The following LRP1B variants were observed in gnomAD, a reference collection of about 807,000 sequenced individuals.
LRP1B encodes LDL receptor related protein 1B.
Under a neutral mutation model 556.6 loss-of-function variants are expected in LRP1B, and 217 were observed. The ratio of observed to expected loss-of-function variants is 0.39; its 90% CI spans 0.35 to 0.44. The LOEUF (loss-of-function observed/expected upper bound fraction) is 0.44, where lower values mean the gene tolerates loss of function less well. Among genes scored for constraint, LRP1B ranks in the 20% least tolerant of loss-of-function variants. The pLI, the probability that LRP1B is intolerant of heterozygous loss-of-function variation, is 1.00. For synonymous variants in LRP1B, 2,047 were observed against 1,865.8 expected (o/e 1.10, Z -2.50); for missense variants, 5,053 against 5,620.8 (o/e 0.90, Z 3.23).
intron 41 of LRP1B, among the ~76,000 whole-genome samples, chr2:140,623,567 C>T (rs1048591641): frequency 2.6e-5 from 4 of 151,868 alleles, no homozygotes; most frequent in African/African-American, 9.7e-5. Context: ...AAAATTTACA[C>T]AAAATTTTAA....
At chr2:141,217,161 C>T (rs778283870) in intron 6 of LRP1B, among the ~76,000 whole-genome samples, 3 of 151,962 alleles carry the variant, frequency 2.0e-5, no homozygotes, top group Admixed American at 6.6e-5. Context: ...TAGTGGGAGG[C>T]GTTTGGGTCA....
chr2:140,760,386 A>G (rs1158581365), intron 35 of LRP1B, among the ~76,000 whole-genome samples: 1 of 152,090 alleles, frequency 6.6e-6, no homozygotes, highest in African/African-American at 2.4e-5. Flanking sequence ...GACAACTAAC[A>G]ATGTTTCCAG....
At chr2:142,082,862 A>G (rs566325587) in intron 1 of LRP1B, among the ~76,000 whole-genome samples, 4 of 152,310 alleles carry the variant, frequency 2.6e-5, no homozygotes, top group African/African-American at 9.6e-5. Flanking sequence ...ACACTATTCC[A>G]TCTTTTAAAA....
intron 2 of LRP1B, among the ~76,000 whole-genome samples, chr2:141,545,623 T>A (rs905968372): frequency 3.9e-5 from 6 of 152,082 alleles, no homozygotes; most frequent in African/African-American, 1.4e-4. Context: ...AGTGGGAGAA[T>A]TGCTTGAGCC....
Position 141,015,731 on chromosome 2 carries a change from T to C in LRP1B, c.2155A>G (p.Ile719Val), listed in dbSNP as rs1558801667. The part of the protein sequence containing the change: ...LYWCDAYYDH[I>V]EKVFLNGTHR... ...GTCCCATTCAAAAATACTTTTTCAA[T>C]ATGATCGTAATAGGCATCACACCAG... Residue 719 changes from isoleucine (I) to valine (V), a missense_variant, in exon 13 of 91, where the codon ATT becomes GTT. Coordinates refer to ENST00000389484, the MANE Select transcript of LRP1B (RefSeq NM_018557.3). 6.2e-7 allele frequency: 1 copy of C among 1,613,200 alleles called. No homozygotes were observed. Among genetic ancestry groups the C allele is most frequent in the Middle Eastern group, 1.7e-4 (1 of 6,056 alleles).
At chr2:141,793,439 A>G (rs72987314) in intron 2 of LRP1B, among the ~76,000 whole-genome samples, 3,595 of 152,040 alleles carry the variant, frequency 0.024, 148 homozygotes, top group African/African-American at 0.083. Flanking sequence ...GAGAGTTTCT[A>G]TAACAGATTT....
chr2:141,300,890 C>T (rs184319016), intron 3 of LRP1B, among the ~76,000 whole-genome samples: 1 of 152,008 alleles, frequency 6.6e-6, no homozygotes, highest in African/African-American at 2.4e-5. Context: ...ATAGAGTCCT[C>T]AGGTGTTGAG....
intron 35 of LRP1B, among the ~76,000 whole-genome samples, chr2:140,735,615 T>A (rs1314412938): frequency 6.6e-6 from 1 of 152,146 alleles, no homozygotes. Context: ...GTTTGGCTCC[T>A]GAAATACCCC....
chr2:140,885,457 TCTC>T (rs1335255136), intron 24 of LRP1B, among the ~76,000 whole-genome samples: 1 of 151,694 alleles, frequency 6.6e-6, no homozygotes, highest in African/African-American at 2.4e-5. Context: ...TTCACGCAAT[TCTC>T]CTACCTCAGC....
At chr2:142,049,511 A>G (rs1466260769) in intron 1 of LRP1B, among the ~76,000 whole-genome samples, 1 of 152,112 alleles carries the variant, frequency 6.6e-6, no homozygotes, top group African/African-American at 2.4e-5. Context: ...GATTACATTA[A>G]CATGAAAGTA....
At chr2:140,640,338 T>C (rs1235330070) in intron 41 of LRP1B, among the ~76,000 whole-genome samples, 8 of 149,442 alleles carry the variant, frequency 5.4e-5, no homozygotes, top group Non-Finnish European at 1.2e-4. Flanking sequence ...CCCTACTTGA[T>C]AGCATCATTT....
chr2:141,489,486 T>C (rs1475238233), intron 2 of LRP1B, among the ~76,000 whole-genome samples: 1 of 151,958 alleles, frequency 6.6e-6, no homozygotes, highest in Non-Finnish European at 1.5e-5. Flanking sequence ...CTAGACCACT[T>C]ACAAGACTAT....
At chr2:140,626,999 T>C (rs1306204144) in intron 41 of LRP1B, among the ~76,000 whole-genome samples, 1 of 152,136 alleles carries the variant, frequency 6.6e-6, no homozygotes, top group South Asian at 2.1e-4. Context: ...ATGAATACTA[T>C]CACTTTTTGA....
Position 141,557,245 on chromosome 2 carries a change from C to T in LRP1B, c.206-76712G>A, listed in dbSNP as rs185056091. Among the ~76,000 whole-genome samples, 136 of 151,666 alleles carry T rather than the reference C, an allele frequency of 9.0e-4. No homozygotes were observed. In the Middle Eastern group the frequency reaches 0.01, roughly 11 times the overall value. ...ACCACAAAGACACACAGGAAACAAA[C>T]AAACAACAACGAAACGAAGAGAGTG... is the stretch of plus-strand genomic sequence containing the variant. On this transcript the variant is annotated intron_variant, in intron 2 of 90. Transcript: ENST00000389484.
At chr2:140,411,426 C>T (rs903840849) in intron 66 of LRP1B, among the ~76,000 whole-genome samples, 1 of 151,918 alleles carries the variant, frequency 6.6e-6, no homozygotes, top group Non-Finnish European at 1.5e-5. Flanking sequence ...AATATATATA[C>T]TCCATTGGTA....
Position 140,730,089 on chromosome 2 carries a change from T to A in LRP1B, c.5759-13273A>T, listed in dbSNP as rs757449394. Among the ~76,000 whole-genome samples the A allele has an allele frequency of 3.3e-5, 5 of 152,212 alleles. No homozygotes were observed. In the East Asian group the frequency reaches 7.7e-4, roughly 23 times the overall value. On this transcript the variant is annotated intron_variant, in intron 35 of 90. Transcript: ENST00000389484. ...ACATCCAATCAATCAGCAAGTCCTA[T>A]GTGTTTTAACTCTTTTATTTATTTA...
chr2:141,780,746 G>A (rs1695226977), intron 2 of LRP1B, among the ~76,000 whole-genome samples: 1 of 152,104 alleles, frequency 6.6e-6, no homozygotes, highest in Admixed American at 6.6e-5. Flanking sequence ...AACTATATTA[G>A]AGATTCATTT....
intron 87 of LRP1B, among the ~76,000 whole-genome samples, chr2:140,242,240 T>G (rs1680978455): frequency 6.6e-6 from 1 of 151,176 alleles, no homozygotes; most frequent in Admixed American, 6.6e-5. Flanking sequence ...CATACAGTAT[T>G]ATAGATAGGA....
chr2:141,966,343 A>G (rs1396500315), intron 1 of LRP1B, among the ~76,000 whole-genome samples: 1 of 151,826 alleles, frequency 6.6e-6, no homozygotes, highest in Non-Finnish European at 1.5e-5. Context: ...CAAAGCCTGT[A>G]ATGGAAAAGG....
Sources: gnomAD v4.1 joint callset for allele counts (sites outside exome capture counted in the v4.1 genomes callset) on GRCh38, gnomAD v4.1.1 for gene constraint, MANE v1.5 for transcripts, NCBI Gene and HGNC (gene_info 2026-07-23, HGNC 2026-07-21) for gene names.